The following SUPT3H variants were observed in gnomAD, a reference collection of about 807,000 sequenced individuals.
The protein encoded by SUPT3H is transcription initiation protein SPT3 homolog.
SUPT3H carries 44 observed loss-of-function variants against 44.3 expected under a neutral mutation model. The ratio of observed to expected loss-of-function variants is 0.99; its 90% CI spans 0.78 to 1.28. The LOEUF is 1.28. Among genes scored for constraint, SUPT3H ranks in the 50% most tolerant of loss-of-function variants. The probability of loss-of-function intolerance (pLI) is 0.00; values close to 1 mark genes in which losing one functional copy is unlikely to be tolerated. For missense variants in SUPT3H, 380 were observed against 387.1 expected (o/e 0.98, Z 0.15); for synonymous variants, 124 against 125.6 (o/e 0.99, Z 0.09).
intron 10 of SUPT3H, among the ~76,000 whole-genome samples, chr6:44,842,638 G>T (rs1214941649): frequency 6.6e-6 from 1 of 151,904 alleles, no homozygotes; most frequent in Non-Finnish European, 1.5e-5. Context: ...ATGCTTACAT[G>T]ATACATAAAG....
intron 10 of SUPT3H, among the ~76,000 whole-genome samples, chr6:44,863,963 T>A (rs1201674083): frequency 6.6e-6 from 1 of 151,230 alleles, no homozygotes; most frequent in Non-Finnish European, 1.5e-5. Flanking sequence ...TCCCACCGAG[T>A]CCCTCCCACA....
At chr6:44,982,982 T>G (rs774927737) in intron 6 of SUPT3H, among the ~76,000 whole-genome samples, 7 of 152,184 alleles carry the variant, frequency 4.6e-5, no homozygotes, top group Non-Finnish European at 8.8e-5. Flanking sequence ...GGGATTCACA[T>G]AGAGGCTAAA....
chr6:44,877,997 T>C (rs567545267), intron 10 of SUPT3H, among the ~76,000 whole-genome samples: 2 of 152,344 alleles, frequency 1.3e-5, no homozygotes, highest in Admixed American at 6.5e-5. Context: ...AAATGTATGA[T>C]ATGCCGTTTC....
At chr6:44,870,426 A>AT (rs1776183580) in intron 10 of SUPT3H, among the ~76,000 whole-genome samples, 3 of 151,992 alleles carry the variant, frequency 2.0e-5, no homozygotes, top group Middle Eastern at 3.4e-3. Flanking sequence ...GTGAAACTCC[A>AT]TCTCTACGAA....
chr6:45,223,910 AC>A (rs1203117720), intron 2 of SUPT3H, among the ~76,000 whole-genome samples: 1 of 150,672 alleles, frequency 6.6e-6, no homozygotes, highest in African/African-American at 2.4e-5. Context: ...ATGTTAAATT[AC>A]AAGTAGAATA....
Position 45,196,138 on chromosome 6 carries a change from T to C in SUPT3H, c.102-90132A>G, listed in dbSNP as rs16873229. Among the ~76,000 whole-genome samples, 1,236 of 152,204 alleles carry C rather than the reference T, an allele frequency of 8.1e-3. 17 individuals are homozygous for C. The highest frequency in any genetic ancestry group is 0.028 in the African/African-American group (1,166 of 41,554). Reference sequence around the variant, plus strand: ...ATAATACACAATAGATATCTGACTTTATATCTGTGACAATATTCAATCATT... The same window carrying C: ...ATAATACACAATAGATATCTGACTTCATATCTGTGACAATATTCAATCATT... On this transcript the variant is annotated intron_variant, in intron 2 of 10. Coordinates refer to ENST00000371459, the MANE Select transcript of SUPT3H (RefSeq NM_003599.4).
chr6:45,106,231 T>C (rs911878945), intron 2 of SUPT3H, among the ~76,000 whole-genome samples: 4 of 152,102 alleles, frequency 2.6e-5, no homozygotes, highest in Non-Finnish European at 5.9e-5. Flanking sequence ...CAAGAGTTCA[T>C]GACCAGCCTG....
intron 2 of SUPT3H, among the ~76,000 whole-genome samples, chr6:45,176,259 C>T (rs1042153859): frequency 6.6e-6 from 1 of 151,802 alleles, no homozygotes; most frequent in Non-Finnish European, 1.5e-5. Context: ...ATTGCCTCAC[C>T]TGGGAAGCGC....
chr6:45,207,774 T>A (rs1244420776), intron 2 of SUPT3H, among the ~76,000 whole-genome samples: 1 of 152,200 alleles, frequency 6.6e-6, no homozygotes, highest in East Asian at 1.9e-4. Context: ...ATTTAATTGA[T>A]ACATATTGTG....
chr6:45,373,191 G>C (rs1470602548), intron 1 of SUPT3H, among the ~76,000 whole-genome samples: 1 of 152,098 alleles, frequency 6.6e-6, no homozygotes, highest in Non-Finnish European at 1.5e-5. Context: ...ACCCGGGCCT[G>C]TCTTGGCCTC....
At chr6:44,847,455 AT>A (rs1485441894) in intron 10 of SUPT3H, among the ~76,000 whole-genome samples, 1 of 151,974 alleles carries the variant, frequency 6.6e-6, no homozygotes, top group Admixed American at 6.6e-5. Context: ...TTGAATACTA[AT>A]TTTTAAATGG....
intron 2 of SUPT3H, chr6:45,328,256 G>T: frequency 7.5e-7 from 1 of 1,336,746 alleles, no homozygotes. Flanking sequence ...ACATGATTCT[G>T]CCTCTCCAGT....
intron 2 of SUPT3H, among the ~76,000 whole-genome samples, chr6:45,180,367 C>G (rs1341469387): frequency 1.3e-5 from 2 of 150,290 alleles, no homozygotes; most frequent in African/African-American, 4.9e-5. Flanking sequence ...GAAAAAACTA[C>G]TTTAAAGTTC....
chr6:45,179,158 A>G (rs1812617390), intron 2 of SUPT3H, among the ~76,000 whole-genome samples: 1 of 152,106 alleles, frequency 6.6e-6, no homozygotes. Context: ...CGACACGTAC[A>G]CTCTCCCAAG....
chr6:45,370,854 C>T (rs1274076949), intron 1 of SUPT3H, among the ~76,000 whole-genome samples: 1 of 152,044 alleles, frequency 6.6e-6, no homozygotes, highest in Non-Finnish European at 1.5e-5. Flanking sequence ...CTTCTTTAGT[C>T]TCACATTAAG....
rs116876253 is a variant in SUPT3H, at chr6:45,366,518, C to T, written c.1-1217G>A. On this transcript the variant is annotated intron_variant, in intron 1 of 10. Transcript: ENST00000371459. ...AGCAGACCTTAAGAACTCCCTCTTC[C>T]GTTAAAGGGGAAAGTTAAAGAAGAA... is the stretch of plus-strand genomic sequence containing the variant. 7.2e-5 allele frequency among the ~76,000 whole-genome samples: 11 copies of T among 152,232 alleles called. No individual in the cohort carries two copies. The East Asian group carries it at 1.4e-3, about 19-fold the overall frequency.
intron 2 of SUPT3H, among the ~76,000 whole-genome samples, chr6:45,223,040 G>C (rs1378070970): frequency 6.6e-6 from 1 of 152,080 alleles, no homozygotes. Flanking sequence ...TAGGGAAAGA[G>C]GTAGAGAATA....
At chr6:45,027,754 C>T (rs1786253202) in intron 3 of SUPT3H, among the ~76,000 whole-genome samples, 1 of 152,108 alleles carries the variant, frequency 6.6e-6, no homozygotes, top group Non-Finnish European at 1.5e-5. Flanking sequence ...TCTTGTATGT[C>T]TCAAAATGTG....
At chr6:45,030,315 G>A (rs1205854873) in intron 3 of SUPT3H, among the ~76,000 whole-genome samples, 2 of 152,110 alleles carry the variant, frequency 1.3e-5, no homozygotes, top group South Asian at 2.1e-4. Flanking sequence ...TATATAATAT[G>A]TGCTTTACTT....
Sources: gnomAD v4.1 joint callset for allele counts (sites outside exome capture counted in the v4.1 genomes callset) on GRCh38, gnomAD v4.1.1 for gene constraint, MANE v1.5 for transcripts, NCBI Gene and HGNC (gene_info 2026-07-23, HGNC 2026-07-21) for gene names.